Variants in AMPH observed in about 807,000 individuals in gnomAD.
AMPH encodes amphiphysin (Stiff-Mann syndrome with breast cancer 128kD autoantigen).
AMPH carries 49 observed loss-of-function variants against 99.1 expected under a neutral mutation model. The ratio of observed to expected loss-of-function variants is 0.49; its 90% CI spans 0.39 to 0.63. AMPH has a LOEUF of 0.63. Among genes scored for constraint, AMPH ranks in the 20% least tolerant of loss-of-function variants. AMPH has a pLI of 0.00. For missense variants in AMPH, 759 were observed against 863.4 expected (o/e 0.88, Z 1.52); for synonymous variants, 314 against 317.3 (o/e 0.99, Z 0.11).
intron 2 of AMPH, among the ~76,000 whole-genome samples, chr7:38,511,852 A>G (rs1789554222): frequency 6.6e-6 from 1 of 152,204 alleles, no homozygotes; most frequent in African/African-American, 2.4e-5. Flanking sequence ...AGGTTTGGGA[A>G]CATATTCCAG....
chr7:38,427,644 TGC>T lies in AMPH; in HGVS notation c.1183-660_1183-659del, dbSNP rs1292099608. On this transcript the variant is annotated intron_variant, in intron 14 of 20. Transcript: ENST00000356264. ...TTCTTTTTGTTGTTGTTGTTGATGCTGCTGCTTTTTTTTTTTTTTGGTCAACC... is the reference window on the plus strand; with the variant it reads ...TTCTTTTTGTTGTTGTTGTTGATGCTTGCTTTTTTTTTTTTTTGGTCAACC... Among the ~76,000 whole-genome samples the T allele has an allele frequency of 1.5e-3, 53 of 36,182 alleles. No individual in the cohort carries two copies. In the East Asian group the frequency reaches 0.038, roughly 26 times the overall value. 23.7% of individuals were successfully genotyped at this position (36,182 alleles called of 152,430 possible). A position where few individuals can be genotyped will look rare whatever the true frequency, so the allele number is the denominator to read the frequency against.
intron 18 of AMPH, chr7:38,392,823 G>C (rs887684828): frequency 2.6e-5 from 4 of 152,322 alleles, no homozygotes; most frequent in African/African-American, 9.7e-5. Context: ...TGAAGATCCA[G>C]CCGGGGTTTG....
chr7:38,422,226 T>C (rs1220691645), intron 16 of AMPH, among the ~76,000 whole-genome samples, 195 bp downstream of exon 16: 9 of 152,252 alleles, frequency 5.9e-5, no homozygotes, highest in Non-Finnish European at 1.3e-4. Context: ...TCACTGTGCC[T>C]GTGTGAATAG....
intron 16 of AMPH, among the ~76,000 whole-genome samples, chr7:38,421,476 C>T (rs542519482): frequency 1.3e-5 from 2 of 152,344 alleles, no homozygotes; most frequent in African/African-American, 4.8e-5. Context: ...GAGACTCTGC[C>T]TTTCAGCTGG....
At chr7:38,520,125 TA>T (rs1789898614) in intron 2 of AMPH, among the ~76,000 whole-genome samples, 1 of 152,228 alleles carries the variant, frequency 6.6e-6, no homozygotes, top group African/African-American at 2.4e-5. Context: ...CATATAATCT[TA>T]GAATCAGTTT....
chr7:38,455,802 T>C (rs740066), intron 11 of AMPH, among the ~76,000 whole-genome samples: 3,946 of 152,300 alleles, frequency 0.026, 74 homozygotes, highest in Admixed American at 0.053. Context: ...GGCTGCAGCT[T>C]GTAGGCATTC....
At chr7:38,466,097 TC>T in intron 8 of AMPH, 75 bp downstream of exon 8, 2 of 1,152,868 alleles carry the variant, frequency 1.7e-6, no homozygotes, top group Non-Finnish European at 2.6e-6. Flanking sequence ...GATAATTCTA[TC>T]CCATTTCATT....
rs553085876 is a variant in AMPH at position 38,489,649 on chromosome 7, T to C, written c.396+1401A>G. Among the ~76,000 whole-genome samples, 3 of 152,170 alleles carry C rather than the reference T, an allele frequency of 2.0e-5. No individual in the cohort carries two copies. The South Asian group carries it at 6.2e-4, about 32-fold the overall frequency. ...TGATGAGGAGTTAATTTCCAAAATA[T>C]ACAAAGGAACACCCAGAGCTCAATA... On this transcript the variant is annotated intron_variant, in intron 5 of 20. Coordinates refer to ENST00000356264, the MANE Select transcript of AMPH (RefSeq NM_001635.4).
intron 2 of AMPH, among the ~76,000 whole-genome samples, chr7:38,515,905 T>C (rs916154953): frequency 9.9e-5 from 15 of 152,202 alleles, no homozygotes; most frequent in African/African-American, 3.1e-4. Flanking sequence ...AGCAAAGAGA[T>C]GGCAGGCATT....
intron 11 of AMPH, among the ~76,000 whole-genome samples, chr7:38,437,365 G>A (rs2128996323): frequency 6.6e-6 from 1 of 152,006 alleles, no homozygotes; most frequent in East Asian, 1.9e-4. Context: ...TTGTTGCCTA[G>A]AAATTGAAAC....
At position 38,462,987 on chromosome 7, in the gene AMPH, C is replaced by T. The variant is rs570917026; in HGVS notation, c.876G>A (p.Arg292=). The T allele has an allele frequency of 6.3e-7, 1 of 1,578,484 alleles. No individual in the cohort carries two copies. The highest frequency in any genetic ancestry group is 1.4e-5 in the African/African-American group (1 of 74,050). ...GACCTCTTCCTACCTGTGAAGGTGA[C>T]CGAGGCCGTGCTGGTGCGGGAGACG... ...APASPAPARP[R]SPSQTRKGPP... The change falls in exon 10 of 21, where the codon CGG becomes CGA. Residue 292 remains arginine, a synonymous_variant. Transcript: ENST00000356264.
chr7:38,484,328 C>A (rs1444910022), intron 5 of AMPH, among the ~76,000 whole-genome samples: 2 of 151,960 alleles, frequency 1.3e-5, no homozygotes, highest in Non-Finnish European at 2.9e-5. Context: ...AATCAATTGT[C>A]AAAGACAAAT....
chr7:38,600,856 A>T (rs1793221072), intron 1 of AMPH, among the ~76,000 whole-genome samples: 1 of 152,196 alleles, frequency 6.6e-6, no homozygotes, highest in Admixed American at 6.5e-5. Flanking sequence ...AATTTGCATA[A>T]GACATTAAGA....
chr7:38,519,374 G>C (rs1200322467), intron 2 of AMPH, among the ~76,000 whole-genome samples: 2 of 151,988 alleles, frequency 1.3e-5, no homozygotes, highest in Non-Finnish European at 2.9e-5. Flanking sequence ...ATGAATTCAG[G>C]CAACAAAACT....
chr7:38,608,913 G>A (rs766385528), intron 1 of AMPH, among the ~76,000 whole-genome samples: 5 of 152,154 alleles, frequency 3.3e-5, no homozygotes, highest in South Asian at 2.1e-4. Context: ...GCAACACAAC[G>A]GGCAGTTTAA....
At chr7:38,462,356 C>A (rs1787481486) in intron 10 of AMPH, among the ~76,000 whole-genome samples, 2 of 152,164 alleles carry the variant, frequency 1.3e-5, no homozygotes, top group Admixed American at 1.3e-4. Context: ...AGCATCTGTA[C>A]AAGAAAGCTT....
At chr7:38,627,993 A>G (rs968478791) in intron 1 of AMPH, among the ~76,000 whole-genome samples, 1 of 152,214 alleles carries the variant, frequency 6.6e-6, no homozygotes, top group South Asian at 2.1e-4. Flanking sequence ...GCAGATATAC[A>G]TAAAACATCA....
intron 11 of AMPH, among the ~76,000 whole-genome samples, chr7:38,454,671 C>T (rs1562766481): frequency 2.0e-5 from 3 of 152,166 alleles, no homozygotes; most frequent in African/African-American, 7.2e-5. Flanking sequence ...TAATATGCCC[C>T]TGTTGAAGGA....
intron 15 of AMPH, among the ~76,000 whole-genome samples, chr7:38,423,875 C>T (rs1785685896): frequency 6.6e-6 from 1 of 152,158 alleles, no homozygotes; most frequent in Non-Finnish European, 1.5e-5. Flanking sequence ...CCTACCCTAG[C>T]AGAAGACTTG....
Sources: gnomAD v4.1 joint callset for allele counts (sites outside exome capture counted in the v4.1 genomes callset) on GRCh38, gnomAD v4.1.1 for gene constraint, MANE v1.5 for transcripts, NCBI Gene and HGNC (gene_info 2026-07-23, HGNC 2026-07-21) for gene names.